The following CHST11 variants were observed in gnomAD, a reference collection of about 807,000 sequenced individuals.
CHST11 encodes the protein C4S-1.
CHST11 carries 9 observed loss-of-function variants against 30.4 expected under a neutral mutation model. The observed-to-expected ratio is 0.30, with a 90% CI of 0.18 to 0.52. The LOEUF (loss-of-function observed/expected upper bound fraction) is 0.52, where lower values mean the gene tolerates loss of function less well. Ranked by LOEUF, CHST11 falls within the 20% of genes least tolerant of loss-of-function variation. The probability of loss-of-function intolerance (pLI) is 0.97; values close to 1 mark genes in which losing one functional copy is unlikely to be tolerated. For missense variants in CHST11, 348 were observed against 460.6 expected, an observed-to-expected ratio of 0.76 and a Z score of 2.24; for synonymous variants, 152 against 187.8, an observed-to-expected ratio of 0.81 and a Z score of 1.56.
chr12:104,632,789 C>T (rs1428872508), intron 2 of CHST11, among the ~76,000 whole-genome samples: 3 of 152,202 alleles, frequency 2.0e-5, no homozygotes, highest in South Asian at 2.1e-4. Context: ...GGCGCCCACT[C>T]GTTCCCGGTC....
At chr12:104,527,885 A>G (rs1027096555) in intron 1 of CHST11, among the ~76,000 whole-genome samples, 3 of 152,182 alleles carry the variant, frequency 2.0e-5, no homozygotes, top group Admixed American at 1.3e-4. Context: ...ACATGGCAGC[A>G]GGAGAGAGAG....
At chr12:104,583,119 C>CTGCT (rs1230528508) in intron 1 of CHST11, among the ~76,000 whole-genome samples, 1 of 152,124 alleles carries the variant, frequency 6.6e-6, no homozygotes, top group Non-Finnish European at 1.5e-5. Flanking sequence ...CCATGCCTTC[C>CTGCT]TGCTTATCAA....
At chr12:104,467,362 C>T (rs903661419) in intron 1 of CHST11, among the ~76,000 whole-genome samples, 1 of 152,172 alleles carries the variant, frequency 6.6e-6, no homozygotes, top group Non-Finnish European at 1.5e-5. Flanking sequence ...ATGTTTCCTT[C>T]CCGGACCCCT....
At chr12:104,498,336 G>T in intron 1 of CHST11, among the ~76,000 whole-genome samples, 1 of 152,128 alleles carries the variant, frequency 6.6e-6, no homozygotes, top group South Asian at 2.1e-4. Flanking sequence ...GCTGGGGGTG[G>T]GGCAAATGTA....
At chr12:104,696,444 C>T (rs1239375684) in intron 2 of CHST11, among the ~76,000 whole-genome samples, 1 of 132,788 alleles carries the variant, frequency 7.5e-6, no homozygotes, top group African/African-American at 2.8e-5. Flanking sequence ...CAAGACCAGC[C>T]TGGCCAACAT....
At chr12:104,482,022 A>T (rs1351634748) in intron 1 of CHST11, among the ~76,000 whole-genome samples, 1 of 151,406 alleles carries the variant, frequency 6.6e-6, no homozygotes, top group Non-Finnish European at 1.5e-5. Flanking sequence ...GTATATATAT[A>T]TATTTTTTAG....
intron 2 of CHST11, among the ~76,000 whole-genome samples, chr12:104,755,355 C>A (rs1431935317): frequency 6.6e-6 from 1 of 152,106 alleles, no homozygotes; most frequent in Non-Finnish European, 1.5e-5. Flanking sequence ...AAGTGAGTGG[C>A]CACAGGAGTT....
chr12:104,615,177 TGC>T (rs1388809041), intron 2 of CHST11, among the ~76,000 whole-genome samples: 19 of 152,338 alleles, frequency 1.2e-4, no homozygotes, highest in African/African-American at 4.6e-4. Context: ...CCAACTCCAG[TGC>T]TGCCTAAAAT....
At chr12:104,669,275 A>G (rs1271564803) in intron 2 of CHST11, among the ~76,000 whole-genome samples, 1 of 152,118 alleles carries the variant, frequency 6.6e-6, no homozygotes, top group East Asian at 1.9e-4. Flanking sequence ...AAACAGCCAC[A>G]ATCAGGAGCC....
At chr12:104,506,195 C>T (rs969872149) in intron 1 of CHST11, among the ~76,000 whole-genome samples, 3 of 152,172 alleles carry the variant, frequency 2.0e-5, no homozygotes, top group South Asian at 2.1e-4. Context: ...GACAAGCGAA[C>T]GCAGATAACC....
At chr12:104,460,141 G>C (rs979306866) in intron 1 of CHST11, among the ~76,000 whole-genome samples, 5 of 152,126 alleles carry the variant, frequency 3.3e-5, no homozygotes, top group Non-Finnish European at 5.9e-5. Flanking sequence ...AAGTATCTTG[G>C]GGGTAAGGAG....
At chr12:104,582,190 A>G (rs141516124) in intron 1 of CHST11, among the ~76,000 whole-genome samples, 249 of 152,284 alleles carry the variant, frequency 1.6e-3, no homozygotes, top group African/African-American at 5.9e-3. Context: ...TAACTTTATC[A>G]GGCAGGTTCT....
chr12:104,582,266 C>T (rs1432649897), intron 1 of CHST11, among the ~76,000 whole-genome samples: 1 of 152,126 alleles, frequency 6.6e-6, no homozygotes, highest in Non-Finnish European at 1.5e-5. Context: ...TGCAGAAGAT[C>T]ACTCTGCTGG....
chr12:104,572,900 A>G (rs980606202), intron 1 of CHST11, among the ~76,000 whole-genome samples: 5 of 152,176 alleles, frequency 3.3e-5, no homozygotes, highest in African/African-American at 9.7e-5. Context: ...AGGGTATTCA[A>G]TTAGGAAAAG....
At chr12:104,634,400 G>T (rs2039302879) in intron 2 of CHST11, among the ~76,000 whole-genome samples, 1 of 152,158 alleles carries the variant, frequency 6.6e-6, no homozygotes, top group Admixed American at 6.5e-5. Flanking sequence ...GAATTACACA[G>T]CCTGTTAGAG....
intron 1 of CHST11, among the ~76,000 whole-genome samples, chr12:104,491,465 T>TC (rs201886866): frequency 6.8e-6 from 1 of 146,450 alleles, no homozygotes; most frequent in African/African-American, 2.7e-5. Context: ...TTCTTCTTCT[T>TC]TTCTTTTCTT....
chr12:104,561,598 G>A (rs1267258420), intron 1 of CHST11, among the ~76,000 whole-genome samples: 1 of 152,168 alleles, frequency 6.6e-6, no homozygotes, highest in Admixed American at 6.5e-5. Flanking sequence ...GAATGATTCA[G>A]GGCTCACCCA....
At chr12:104,502,202 A>T (rs2037859375) in intron 1 of CHST11, among the ~76,000 whole-genome samples, 1 of 151,392 alleles carries the variant, frequency 6.6e-6, no homozygotes, top group African/African-American at 2.4e-5. Flanking sequence ...TAATTTTTAC[A>T]TTTTTTTGTA....
chr12:104,719,156 T>C (rs1026515521), intron 2 of CHST11, among the ~76,000 whole-genome samples: 2 of 152,102 alleles, frequency 1.3e-5, no homozygotes, highest in East Asian at 3.9e-4. Context: ...TCCAGAATGG[T>C]GACGCCCGGA....
Sources: gnomAD v4.1 joint callset for allele counts (sites outside exome capture counted in the v4.1 genomes callset) on GRCh38, gnomAD v4.1.1 for gene constraint, MANE v1.5 for transcripts, NCBI Gene and HGNC (gene_info 2026-07-23, HGNC 2026-07-21) for gene names.